MFN1: variants seen among roughly 807,000 people sequenced by gnomAD.
The protein encoded by MFN1 is mitofusin 1, also known as mitofusin-1.
MFN1 carries 65 observed loss-of-function variants against 92.4 expected under a neutral mutation model. That is an observed-to-expected ratio of 0.70 (90% CI 0.58 to 0.86). The LOEUF is 0.86. MFN1 is among the 40% of genes least tolerant of loss of function. The pLI, the probability that MFN1 is intolerant of heterozygous loss-of-function variation, is 0.00. For missense variants in MFN1, 781 were observed against 868.0 expected (o/e 0.90, Z 1.26); for synonymous variants, 297 against 300.9 (o/e 0.99, Z 0.13).
intron 4 of MFN1, among the ~76,000 whole-genome samples, chr3:179,359,343 A>G (rs1480413314): frequency 6.6e-6 from 1 of 150,812 alleles, no homozygotes; most frequent in Non-Finnish European, 1.5e-5. Context: ...GCTGGTCTCA[A>G]ACTCCTGACC....
chr3:179,391,771 A>G (rs960301043), intron 17 of MFN1, among the ~76,000 whole-genome samples: 8 of 152,180 alleles, frequency 5.3e-5, no homozygotes, highest in Non-Finnish European at 1.2e-4. Flanking sequence ...CATAAGAAAC[A>G]CTGTGTACTT....
intron 16 of MFN1, among the ~76,000 whole-genome samples, chr3:179,387,643 GAGT>G (rs1350961995): frequency 1.5e-5 from 2 of 133,916 alleles, no homozygotes; most frequent in Admixed American, 8.2e-5. Flanking sequence ...GCCCAGGCTG[GAGT>G]GCAATGGCAC....
chr3:179,383,528 G>C (rs1713554120), intron 14 of MFN1, among the ~76,000 whole-genome samples: 1 of 152,068 alleles, frequency 6.6e-6, no homozygotes, highest in African/African-American at 2.4e-5. Context: ...TTGTTCTTTT[G>C]GCTTAGGATT....
intron 16 of MFN1, among the ~76,000 whole-genome samples, chr3:179,388,071 T>C (rs975893625): frequency 6.6e-6 from 1 of 151,452 alleles, no homozygotes; most frequent in Non-Finnish European, 1.5e-5. Flanking sequence ...TTTTTTTTAG[T>C]AGAGCCAAGG....
intron 9 of MFN1, among the ~76,000 whole-genome samples, chr3:179,372,863 C>T (rs1415439702): frequency 1.3e-5 from 2 of 152,002 alleles, no homozygotes. Flanking sequence ...GTTAATTTGA[C>T]ACATTTATGA....
intron 17 of MFN1, among the ~76,000 whole-genome samples, chr3:179,391,777 T>C (rs1713910353): frequency 6.6e-6 from 1 of 152,230 alleles, no homozygotes; most frequent in South Asian, 2.1e-4. Context: ...AAACACTGTG[T>C]ACTTTGTGCA....
rs1420025636 is a variant in MFN1 at position 179,383,479 on chromosome 3, T to C, written c.1663-2090T>C. 3.4e-5 allele frequency among the ~76,000 whole-genome samples: 5 copies of C among 148,538 alleles called. No homozygotes were observed. The East Asian group carries it at 9.6e-4, about 29-fold the overall frequency. The stretch of plus-strand genomic sequence containing the variant: ...CTGTTTTGGTTAGTGTTTGGTAGTG[T>C]AGTATAGTTTGAAGTCAGGTAGCGT... On this transcript the variant is annotated intron_variant, in intron 14 of 17. Transcript: ENST00000471841.
chr3:179,358,792 T>A (rs945601778), intron 3 of MFN1, 48 bp from the exon 4 acceptor site: 2 of 1,555,298 alleles, frequency 1.3e-6, no homozygotes, highest in East Asian at 2.3e-5. Flanking sequence ...AAAGAACTAC[T>A]TTTTTTACTG....
chr3:179,349,866 T>C (rs1013520684), intron 2 of MFN1, among the ~76,000 whole-genome samples: 6 of 151,414 alleles, frequency 4.0e-5, no homozygotes, highest in Admixed American at 1.3e-4. Flanking sequence ...ATTATGTACC[T>C]CTCGGCCAGG....
chr3:179,353,098 G>A (rs1712214123), intron 3 of MFN1, among the ~76,000 whole-genome samples: 1 of 118,872 alleles, frequency 8.4e-6, no homozygotes, highest in South Asian at 2.7e-4. Flanking sequence ...TCCGTTGCCA[G>A]GTTGGAGTGC....
intron 10 of MFN1, 63 bp from the exon 11 acceptor site, chr3:179,376,979 T>C: frequency 6.4e-7 from 1 of 1,552,870 alleles, no homozygotes; most frequent in Non-Finnish European, 8.7e-7. Flanking sequence ...AATGAGTCCC[T>C]TGCTGAAATG....
At chr3:179,366,395 T>C (rs1474249329) in intron 7 of MFN1, among the ~76,000 whole-genome samples, 1 of 152,154 alleles carries the variant, frequency 6.6e-6, no homozygotes, top group Non-Finnish European at 1.5e-5. Flanking sequence ...CTTTTTTTTT[T>C]TTTTGGCATT....
intron 16 of MFN1, among the ~76,000 whole-genome samples, chr3:179,387,433 C>T (rs752525271): frequency 5.9e-5 from 9 of 151,972 alleles, no homozygotes; most frequent in African/African-American, 9.7e-5. Flanking sequence ...GTAATCTCAG[C>T]TAGTTGGGAG....
At chr3:179,377,957 G>C (rs561353822) in intron 12 of MFN1, among the ~76,000 whole-genome samples, 8 of 152,276 alleles carry the variant, frequency 5.3e-5, no homozygotes, top group African/African-American at 1.4e-4. Flanking sequence ...CTACTCTGGA[G>C]GCTGAGGCGG....
intron 6 of MFN1, among the ~76,000 whole-genome samples, chr3:179,364,738 T>C (rs990062182): frequency 6.6e-6 from 1 of 152,220 alleles, no homozygotes; most frequent in Non-Finnish European, 1.5e-5. Context: ...CTGCCATCTA[T>C]CAGGCAAGGC....
chr3:179,391,948 G>T (rs1229597884), intron 17 of MFN1, 33 bp from the exon 18 acceptor site: 5 of 1,371,864 alleles, frequency 3.6e-6, no homozygotes, highest in Admixed American at 1.8e-5. Flanking sequence ...GACCTTTATA[G>T]TAATTAGATT....
intron 2 of MFN1, among the ~76,000 whole-genome samples, chr3:179,351,319 A>T (rs1712137878): frequency 6.6e-6 from 1 of 152,198 alleles, no homozygotes; most frequent in Non-Finnish European, 1.5e-5. Flanking sequence ...ATCTGATGAG[A>T]TCGAGTGCAT....
At position 179,378,907 on chromosome 3, in the gene MFN1, C is replaced by T. The variant is rs1713360897; in HGVS notation, c.1662+93C>T. The T allele has an allele frequency of 1.2e-5, 11 of 937,342 alleles. No individual in the cohort carries two copies. The South Asian group carries it at 1.9e-4, about 16-fold the overall frequency. The allele number at this position is 937,342 out of a possible 1,614,324, so 58.1% of individuals were successfully genotyped here. ...TAAAACTAGCTTTACAAAATCTGCA[C>T]ATTTAAAAGCTAGTATCTATCTCTT... On this transcript the variant is annotated intron_variant, in intron 14 of 17. Transcript: ENST00000471841.
At chr3:179,385,389 G>T (rs1713639845) in intron 14 of MFN1, among the ~76,000 whole-genome samples, 180 bp from the exon 15 acceptor site, 1 of 151,612 alleles carries the variant, frequency 6.6e-6, no homozygotes, top group African/African-American at 2.4e-5. Flanking sequence ...GATATCATTG[G>T]TCCATATTGT....
Sources: gnomAD v4.1 joint callset for allele counts (sites outside exome capture counted in the v4.1 genomes callset) on GRCh38, gnomAD v4.1.1 for gene constraint, MANE v1.5 for transcripts, NCBI Gene and HGNC (gene_info 2026-07-23, HGNC 2026-07-21) for gene names.